The following TPX2 variants were observed in gnomAD, a reference collection of about 807,000 sequenced individuals.
TPX2 encodes the protein targeting protein for Xklp2.
Under a neutral mutation model 93.6 loss-of-function variants are expected in TPX2, and 21 were observed. That is an observed-to-expected ratio of 0.22 (90% confidence interval 0.16 to 0.32). The LOEUF (loss-of-function observed/expected upper bound fraction) is 0.32. Among genes scored for constraint, TPX2 ranks in the 10% least tolerant of loss-of-function variants. The pLI is 1.00. For synonymous variants in TPX2, 281 were observed against 298.3 expected, an observed-to-expected ratio of 0.94 and a Z score of 0.60; for missense variants, 776 against 871.1, an observed-to-expected ratio of 0.89 and a Z score of 1.37.
chr20:31,788,602 T>G (rs2062082049), intron 12 of TPX2, among the ~76,000 whole-genome samples: 1 of 151,976 alleles, frequency 6.6e-6, no homozygotes, highest in African/African-American at 2.4e-5. Context: ...GCACTTCCAC[T>G]TGTGGTTGAT....
intron 2 of TPX2, among the ~76,000 whole-genome samples, chr20:31,749,933 T>A (rs903849338): frequency 7.9e-5 from 12 of 152,092 alleles, no homozygotes; most frequent in Non-Finnish European, 1.3e-4. Flanking sequence ...TTTAATTTTT[T>A]AAATTAATTA....
At chr20:31,771,456 T>C in intron 6 of TPX2, 104 bp from the exon 7 acceptor site, 1 of 1,423,096 alleles carries the variant, frequency 7.0e-7, no homozygotes, top group Non-Finnish European at 9.4e-7. Context: ...CTTGTTATCC[T>C]ATAGAATGAG....
chr20:31,792,627 A>G (rs1208155117), intron 12 of TPX2, 108 bp from the exon 13 acceptor site: 6 of 1,068,388 alleles, frequency 5.6e-6, no homozygotes, highest in Middle Eastern at 2.1e-4. Context: ...GCTGGGCAAC[A>G]TAGTGAGACC....
chr20:31,780,964 G>T (rs1193470586), intron 10 of TPX2: 2 of 408,678 alleles, frequency 4.9e-6, no homozygotes, highest in South Asian at 3.6e-5. Flanking sequence ...CCGTCACCCA[G>T]GCTGGAGTGC....
intron 5 of TPX2, among the ~76,000 whole-genome samples, chr20:31,769,981 T>G (rs2123023193): frequency 6.6e-6 from 1 of 152,160 alleles, no homozygotes; most frequent in East Asian, 1.9e-4. Context: ...AAAAATTTTT[T>G]GTAGAGACAG....
chr20:31,800,580 T>G (rs1267280753), intron 17 of TPX2, among the ~76,000 whole-genome samples: 1 of 152,244 alleles, frequency 6.6e-6, no homozygotes, highest in African/African-American at 2.4e-5. Flanking sequence ...TGAATATTTA[T>G]AGTCAGTAAA....
intron 10 of TPX2, among the ~76,000 whole-genome samples, chr20:31,781,317 C>T (rs529489049): frequency 4.3e-5 from 6 of 140,720 alleles, no homozygotes; most frequent in Middle Eastern, 4.3e-3. Flanking sequence ...AGTGCAGTGG[C>T]GCTCATTTGG....
chr20:31,792,152 G>A (rs1229905373), intron 12 of TPX2, among the ~76,000 whole-genome samples: 1 of 152,166 alleles, frequency 6.6e-6, no homozygotes, highest in Non-Finnish European at 1.5e-5. Flanking sequence ...ACTTTGGGAG[G>A]CCAAGGCAGG....
chr20:31,778,775 G>A (rs752465917), intron 9 of TPX2, 38 bp from the exon 10 acceptor site: 53 of 1,512,662 alleles, frequency 3.5e-5, no homozygotes, highest in Admixed American at 4.7e-5. Context: ...GAGCTCTTCC[G>A]TGACATTTCA....
intron 2 of TPX2, among the ~76,000 whole-genome samples, chr20:31,755,982 CT>C (rs756586433): frequency 3.9e-5 from 6 of 152,168 alleles, no homozygotes; most frequent in Non-Finnish European, 8.8e-5. Context: ...TTCCCTTATC[CT>C]TGCTTCTGTT....
chr20:31,793,498 C>A (rs570208191), intron 13 of TPX2, among the ~76,000 whole-genome samples: 6 of 152,150 alleles, frequency 3.9e-5, no homozygotes, highest in Admixed American at 3.3e-4. Flanking sequence ...CCATTAAGTC[C>A]CAGTCACATG....
At chr20:31,745,855 CATT>C (rs2061781149) in intron 2 of TPX2, among the ~76,000 whole-genome samples, 1 of 152,192 alleles carries the variant, frequency 6.6e-6, no homozygotes, top group Non-Finnish European at 1.5e-5. Context: ...AGCTCTCTGT[CATT>C]ATCTGTCCTA....
chr20:31,749,668 G>C (rs1302555207), intron 2 of TPX2, among the ~76,000 whole-genome samples: 1 of 151,824 alleles, frequency 6.6e-6, no homozygotes, highest in Non-Finnish European at 1.5e-5. Flanking sequence ...GGTGGCAGGT[G>C]CCTGTAATCC....
At position 31,798,570 on chromosome 20, in the gene TPX2, C is replaced by T; in HGVS notation, c.2133+18C>T. ...GAGAACTGGTAACTGGGAGCATGAG[C>T]ACTGACGAACACAAACATGCCTCTG... On this transcript the variant is annotated intron_variant, in intron 17 of 17. Transcript: ENST00000300403. The T allele has an allele frequency of 6.3e-7, 1 of 1,580,336 alleles. No homozygotes were observed. Among genetic ancestry groups the T allele is most frequent in the South Asian group, 1.2e-5 (1 of 86,438 alleles).
At chr20:31,784,496 T>A (rs2062053211) in intron 12 of TPX2, among the ~76,000 whole-genome samples, 1 of 152,220 alleles carries the variant, frequency 6.6e-6, no homozygotes, top group African/African-American at 2.4e-5. Context: ...ACACTCTAGC[T>A]ACAGAGTCTG....
At chr20:31,744,938 T>A (rs1475786468) in intron 2 of TPX2, among the ~76,000 whole-genome samples, 1 of 151,954 alleles carries the variant, frequency 6.6e-6, no homozygotes, top group Non-Finnish European at 1.5e-5. Flanking sequence ...AATACACAAA[T>A]TAGCCAGGCA....
rs1308301165 is a variant in TPX2, at chr20:31,801,014, A to G, written c.2178A>G (p.Ile726Met). 2 of 1,614,102 alleles carry G rather than the reference A, an allele frequency of 1.2e-6. No individual in the cohort carries two copies. Among genetic ancestry groups the G allele is most frequent in the African/African-American group, 2.7e-5 (2 of 74,938 alleles). ...NPIRKYQGLE[I>M]KSSDQPLTVP... ...TACGCAAGTACCAGGGTCTGGAGATAAAGTCAAGTGACCAGCCTCTGACTG... is the reference window on the plus strand; with the variant it reads ...TACGCAAGTACCAGGGTCTGGAGATGAAGTCAAGTGACCAGCCTCTGACTG... Residue 726 changes from isoleucine (I) to methionine (M), a missense_variant, in exon 18 of 18, where the codon ATA becomes ATG. Coordinates refer to ENST00000300403, the MANE Select transcript of TPX2 (RefSeq NM_012112.5).
chr20:31,777,017 CACAGTTCT>C (rs2062004472), intron 8 of TPX2, among the ~76,000 whole-genome samples: 1 of 152,122 alleles, frequency 6.6e-6, no homozygotes, highest in South Asian at 2.1e-4. Flanking sequence ...CTGAAGGGGT[CACAGTTCT>C]GCTTTGCTCG....
chr20:31,751,019 C>T (rs995328965), intron 2 of TPX2, among the ~76,000 whole-genome samples: 1 of 151,968 alleles, frequency 6.6e-6, no homozygotes, highest in African/African-American at 2.4e-5. Flanking sequence ...ATGATCCTCC[C>T]ACCTCAGCCT....
Sources: allele counts gnomAD v4.1 joint callset (sites outside exome capture counted in the v4.1 genomes callset), GRCh38; gene constraint gnomAD v4.1.1; transcripts MANE v1.5; gene names NCBI Gene and HGNC (gene_info 2026-07-23, HGNC 2026-07-21).